Variants in KCNQ3 observed in about 807,000 individuals in gnomAD.
The protein encoded by KCNQ3 is potassium voltage-gated channel subfamily Q member 3.
In KCNQ3, 30 loss-of-function variants were observed where a neutral mutation model predicts 92.5. The observed-to-expected ratio is 0.32, with a 90% CI of 0.24 to 0.44. The LOEUF (loss-of-function observed/expected upper bound fraction) is 0.44. Among genes scored for constraint, KCNQ3 ranks in the 20% least tolerant of loss-of-function variants. KCNQ3 has a pLI of 1.00. For missense variants in KCNQ3, 913 were observed against 1,140.3 expected (o/e 0.80, Z 2.87); for synonymous variants, 450 against 468.8 (o/e 0.96, Z 0.52).
intron 9 of KCNQ3, among the ~76,000 whole-genome samples, chr8:132,143,696 G>A (rs1031755257): frequency 8.5e-5 from 13 of 152,196 alleles, no homozygotes; most frequent in Non-Finnish European, 1.0e-4. Flanking sequence ...TTCAGGAAGC[G>A]CTCAATAGAT....
At chr8:132,188,554 C>T (rs1461868985) in intron 1 of KCNQ3, among the ~76,000 whole-genome samples, 1 of 152,236 alleles carries the variant, frequency 6.6e-6, no homozygotes, top group Non-Finnish European at 1.5e-5. Context: ...CCATATCCTC[C>T]ATTATTCAGT....
intron 1 of KCNQ3, among the ~76,000 whole-genome samples, chr8:132,405,282 G>A (rs969649689): frequency 3.9e-5 from 6 of 152,158 alleles, no homozygotes; most frequent in African/African-American, 1.2e-4. Flanking sequence ...CTGCAAGGGC[G>A]GGTATGGGGG....
At chr8:132,233,314 C>G (rs957502596) in intron 1 of KCNQ3, among the ~76,000 whole-genome samples, 2 of 152,198 alleles carry the variant, frequency 1.3e-5, no homozygotes, top group Non-Finnish European at 2.9e-5. Flanking sequence ...TGCAAATCTT[C>G]TTTTCTGTTT....
chr8:132,133,691 C>T (rs3115950), intron 13 of KCNQ3, among the ~76,000 whole-genome samples: 1 of 152,168 alleles, frequency 6.6e-6, no homozygotes, highest in African/African-American at 2.4e-5. Flanking sequence ...CATAATATTT[C>T]TTAAGCCTAA....
At chr8:132,135,653 TG>T (rs1260001292) in intron 12 of KCNQ3, among the ~76,000 whole-genome samples, 1 of 152,120 alleles carries the variant, frequency 6.6e-6, no homozygotes, top group Non-Finnish European at 1.5e-5. Flanking sequence ...CTGGTATTTT[TG>T]GAGTCTGGCA....
intron 1 of KCNQ3, among the ~76,000 whole-genome samples, chr8:132,461,265 G>A (rs1822053566): frequency 6.6e-6 from 1 of 152,054 alleles, no homozygotes; most frequent in African/African-American, 2.4e-5. Context: ...GGACACTATT[G>A]GTAACACTAT....
intron 1 of KCNQ3, among the ~76,000 whole-genome samples, chr8:132,472,158 G>C (rs887914788): frequency 6.6e-6 from 1 of 152,158 alleles, no homozygotes; most frequent in Non-Finnish European, 1.5e-5. Context: ...CATACTGTTG[G>C]TGGGAATGTA....
chr8:132,148,674 G>A (rs139129832), intron 9 of KCNQ3, among the ~76,000 whole-genome samples: 12 of 152,352 alleles, frequency 7.9e-5, no homozygotes, highest in East Asian at 3.9e-4. Context: ...GTGGATGGAC[G>A]TCATCTAATC....
chr8:132,279,045 G>A (rs11782396), intron 1 of KCNQ3, among the ~76,000 whole-genome samples: 66,427 of 151,600 alleles, frequency 0.44, 16,541 homozygotes, highest in East Asian at 0.68. Flanking sequence ...ATGAAACCCC[G>A]TCTCTACTAG....
intron 1 of KCNQ3, among the ~76,000 whole-genome samples, chr8:132,290,101 A>G (rs1475012164): frequency 6.6e-6 from 1 of 152,234 alleles, no homozygotes; most frequent in Non-Finnish European, 1.5e-5. Flanking sequence ...TCATCCATGA[A>G]AATTATCTCA....
chr8:132,310,591 T>G (rs982095349), intron 1 of KCNQ3, among the ~76,000 whole-genome samples: 1 of 152,150 alleles, frequency 6.6e-6, no homozygotes, highest in Non-Finnish European at 1.5e-5. Flanking sequence ...AAATGAGCCG[T>G]CAAAGAGCAC....
chr8:132,160,444 A>G (rs998356873), intron 9 of KCNQ3, among the ~76,000 whole-genome samples: 5 of 152,204 alleles, frequency 3.3e-5, no homozygotes, highest in Admixed American at 2.0e-4. Flanking sequence ...GTCATTTTTT[A>G]TAGTCACTCA....
chr8:132,169,434 C>A (rs1009276593), intron 8 of KCNQ3, among the ~76,000 whole-genome samples: 9 of 152,160 alleles, frequency 5.9e-5, no homozygotes, highest in Non-Finnish European at 8.8e-5. Flanking sequence ...TTTCCATAAC[C>A]ATAGAAAAAG....
intron 8 of KCNQ3, among the ~76,000 whole-genome samples, chr8:132,167,145 T>C (rs1192958678): frequency 6.6e-6 from 1 of 152,082 alleles, no homozygotes; most frequent in Non-Finnish European, 1.5e-5. Context: ...CTTGAAAACA[T>C]TATGCAAAGT....
intron 1 of KCNQ3, among the ~76,000 whole-genome samples, chr8:132,209,083 AC>A (rs1268881613): frequency 6.6e-6 from 1 of 152,102 alleles, no homozygotes; most frequent in African/African-American, 2.4e-5. Context: ...GCCCCTTCTC[AC>A]AGACTGTTTA....
chr8:132,474,841 G>A (rs1204001664), intron 1 of KCNQ3, among the ~76,000 whole-genome samples: 1 of 152,042 alleles, frequency 6.6e-6, no homozygotes, highest in African/African-American at 2.4e-5. Context: ...CAAGGTGAAG[G>A]GGAGTCACCA....
Position 132,480,551 on chromosome 8 carries a change from C to A in KCNQ3, c.-19G>T. ...GCCCCATCTGCCTCGCCCCCGCCGG[C>A]CGCTTCGCCTTCTCCGCTGCTGCTC... On this transcript the variant is annotated 5_prime_UTR_variant, in exon 1 of 15. Coordinates refer to ENST00000388996, the MANE Select transcript of KCNQ3 (RefSeq NM_004519.4). The A allele has an allele frequency of 8.0e-7, 1 of 1,256,772 alleles. No individual in the cohort carries two copies. The highest frequency in any genetic ancestry group is 1.0e-6 in the Non-Finnish European group (1 of 979,324). 77.9% of individuals were successfully genotyped at this position (1,256,772 alleles called of 1,614,324 possible).
chr8:132,467,889 T>C (rs1822210326), intron 1 of KCNQ3, among the ~76,000 whole-genome samples: 3 of 152,180 alleles, frequency 2.0e-5, no homozygotes, highest in African/African-American at 7.2e-5. Context: ...GGGAGGCCAG[T>C]GTGGCTGAAT....
At chr8:132,194,586 G>T (rs566479197) in intron 1 of KCNQ3, among the ~76,000 whole-genome samples, 27 of 152,336 alleles carry the variant, frequency 1.8e-4, no homozygotes, top group Non-Finnish European at 3.2e-4. Context: ...TAACTGGGGG[G>T]AAATGCCATT....
Sources: allele counts gnomAD v4.1 joint callset (sites outside exome capture counted in the v4.1 genomes callset), GRCh38; gene constraint gnomAD v4.1.1; transcripts MANE v1.5; gene names NCBI Gene and HGNC (gene_info 2026-07-23, HGNC 2026-07-21).